Variants in IDE observed in about 807,000 individuals in gnomAD.
The protein encoded by IDE is insulin degrading enzyme, also known as insulin-degrading enzyme.
A neutral mutation model predicts 133.2 loss-of-function variants in IDE; 58 were observed. The observed-to-expected ratio is 0.44, with a 90% CI of 0.35 to 0.54. The LOEUF is 0.54. IDE is among the 20% of genes least tolerant of loss of function. IDE has a pLI of 0.00. For missense variants in IDE, 981 were observed against 1,234.0 expected (o/e 0.79, Z 3.07); for synonymous variants, 396 against 421.3 (o/e 0.94, Z 0.73).
At chr10:92,460,045 G>A (rs1185944759) in intron 22 of IDE, among the ~76,000 whole-genome samples, 2 of 151,632 alleles carry the variant, frequency 1.3e-5, no homozygotes, top group Admixed American at 6.6e-5. Flanking sequence ...CACTATGTTG[G>A]CCAGGCTGAT....
At chr10:92,573,850 C>T (rs1357528861) in intron 1 of IDE, 72 bp downstream of exon 1, 3 of 1,075,590 alleles carry the variant, frequency 2.8e-6, no homozygotes, top group Admixed American at 4.0e-5. Context: ...GCTGAATCAC[C>T]ACTTTGCAAC....
intron 9 of IDE, 88 bp from the exon 10 acceptor site, chr10:92,506,610 A>C: frequency 1.6e-6 from 1 of 619,764 alleles, no homozygotes; most frequent in Non-Finnish European, 2.8e-6. Flanking sequence ...TTGCACTATA[A>C]GCTTTCTACT....
intron 19 of IDE, among the ~76,000 whole-genome samples, chr10:92,467,872 G>A (rs2135360956): frequency 6.6e-6 from 1 of 152,292 alleles, no homozygotes; most frequent in Non-Finnish European, 1.5e-5. Context: ...TTCAACAAAG[G>A]TATCCTGAAG....
chr10:92,483,181 A>T (rs1846723586), intron 14 of IDE, 74 bp downstream of exon 14: 2 of 722,190 alleles, frequency 2.8e-6, no homozygotes. Flanking sequence ...TGGATGTTTA[A>T]GAAGAACAGA....
intron 1 of IDE, among the ~76,000 whole-genome samples, chr10:92,549,119 A>G (rs1842665769): frequency 6.6e-6 from 1 of 152,060 alleles, no homozygotes; most frequent in African/African-American, 2.4e-5. Flanking sequence ...TCAGCTGGGC[A>G]TGGTGGCACA....
chr10:92,562,998 C>T (rs1479620213), intron 1 of IDE, among the ~76,000 whole-genome samples: 2 of 152,122 alleles, frequency 1.3e-5, no homozygotes, highest in African/African-American at 4.8e-5. Context: ...CGCCTGTAAT[C>T]CCAGCACTTT....
chr10:92,558,079 T>A (rs1323249702), intron 1 of IDE, among the ~76,000 whole-genome samples: 2 of 152,108 alleles, frequency 1.3e-5, no homozygotes. Context: ...TGAGATAGTG[T>A]TTTGCTCTTG....
chr10:92,568,582 G>A (rs1382095809), intron 1 of IDE, among the ~76,000 whole-genome samples: 1 of 152,190 alleles, frequency 6.6e-6, no homozygotes, highest in Non-Finnish European at 1.5e-5. Flanking sequence ...TTGGGAGGCT[G>A]AGGTGGGTGG....
intron 4 of IDE, among the ~76,000 whole-genome samples, chr10:92,526,672 C>G (rs1849636736): frequency 6.6e-6 from 1 of 151,572 alleles, no homozygotes; most frequent in Admixed American, 6.6e-5. Context: ...ATAGGGAGAC[C>G]CTATCTCTAC....
intron 17 of IDE, among the ~76,000 whole-genome samples, chr10:92,473,515 T>C (rs899401769): frequency 1.3e-5 from 2 of 151,416 alleles, no homozygotes; most frequent in African/African-American, 4.9e-5. Context: ...CAAGCCAAAC[T>C]CCTGAAAATT....
chr10:92,498,485 G>T (rs181613128), intron 11 of IDE, among the ~76,000 whole-genome samples: 1 of 152,322 alleles, frequency 6.6e-6, no homozygotes, highest in Admixed American at 6.5e-5. Flanking sequence ...GCCGGGCATG[G>T]TGGCTCACAC....
chr10:92,573,131 T>C (rs1246529839), intron 1 of IDE: 1 of 985,326 alleles, frequency 1.0e-6, no homozygotes. Flanking sequence ...GTAAAAAGTA[T>C]TCAGCGTTCA....
At chr10:92,572,867 C>T in intron 1 of IDE, 1 of 984,742 alleles carries the variant, frequency 1.0e-6, no homozygotes, top group Non-Finnish European at 1.2e-6. Context: ...ATCTCTGGCC[C>T]CACACACTAC....
chr10:92,567,099 T>G (rs1843592223), intron 1 of IDE, among the ~76,000 whole-genome samples: 1 of 152,148 alleles, frequency 6.6e-6, no homozygotes, highest in Admixed American at 6.5e-5. Context: ...GACCGCTCAG[T>G]CCTGTCCACT....
chr10:92,552,868 A>AAAAAAAAAAAC (rs1174774688), intron 1 of IDE, among the ~76,000 whole-genome samples: 1 of 149,214 alleles, frequency 6.7e-6, no homozygotes, highest in African/African-American at 2.5e-5. Flanking sequence ...AAAAAAAAAA[A>AAAAAAAAAAAC]AAAAAAAAAA....
At position 92,510,141 on chromosome 10, in the gene IDE, T is replaced by G; in HGVS notation, c.806A>C (p.Asn269Thr). The G allele has an allele frequency of 6.3e-7, 1 of 1,580,358 alleles. No individual in the cohort carries two copies. Among genetic ancestry groups the G allele is most frequent in the Non-Finnish European group, 8.7e-7 (1 of 1,152,898 alleles). Residue 269 changes from asparagine to threonine, a missense_variant, in exon 6 of 25, where the codon AAT (asparagine) becomes ACT (threonine). Around this residue, in one of 2 missense-constraint regions of IDE, gnomAD observed 321 missense variants for 339.3 expected, o/e 0.95. Transcript: ENST00000265986. ...LGRESLDDLT[N>T]LVVKLFSEVE... Reference sequence around the variant, plus strand: ...TTCAGAAAATAACTTTACCACCAGATTAGTCAAGTCATCTAAAGATTCTAC... The same window carrying G: ...TTCAGAAAATAACTTTACCACCAGAGTAGTCAAGTCATCTAAAGATTCTAC...
chr10:92,537,869 G>A (rs1185789924), intron 1 of IDE, among the ~76,000 whole-genome samples: 1 of 151,906 alleles, frequency 6.6e-6, no homozygotes. Context: ...TGCTGGTTTT[G>A]TTTTTGTTTT....
intron 1 of IDE, chr10:92,572,849 A>C: frequency 3.6e-4 from 295 of 825,846 alleles, no homozygotes; most frequent in Non-Finnish European, 4.0e-4. Flanking sequence ...AAGCCAGCCT[A>C]CCCCCCCATC....
chr10:92,573,049 T>A, intron 1 of IDE: 1 of 985,396 alleles, frequency 1.0e-6, no homozygotes, highest in Non-Finnish European at 1.2e-6. Context: ...TATTACTGAT[T>A]AAAACCAGCA....
Sources: gnomAD v4.1 joint callset for allele counts (sites outside exome capture counted in the v4.1 genomes callset) on GRCh38, gnomAD v4.1.1 for gene constraint, gnomAD v4.1.1 regional missense constraint, MANE v1.5 for transcripts, NCBI Gene and HGNC (gene_info 2026-07-23, HGNC 2026-07-21) for gene names.